LRRC56: variants seen among roughly 807,000 people sequenced by gnomAD.
The protein encoded by LRRC56 is leucine-rich repeat-containing protein 56.
LRRC56 carries 41 observed loss-of-function variants against 47.8 expected under a neutral mutation model. That is an observed-to-expected ratio of 0.86 (90% CI 0.67 to 1.11). LRRC56 has a LOEUF of 1.11. LRRC56 is among the 50% of genes most tolerant of loss of function. The probability of loss-of-function intolerance (pLI) is 0.00; values close to 1 mark genes in which losing one functional copy is unlikely to be tolerated. For missense variants in LRRC56, 759 were observed against 704.2 expected (o/e 1.08, Z -0.88); for synonymous variants, 387 against 311.2 (o/e 1.24, Z -2.56).
intron 7 of LRRC56, 24 bp downstream of exon 7, chr11:550,022 G>A (rs1852295430): frequency 2.5e-6 from 4 of 1,611,626 alleles, no homozygotes. Context: ...CCCTGGGCTG[G>A]GGAGGCCTGG....
the LRRC56 span, among the ~76,000 whole-genome samples, chr11:527,680 C>G: frequency 1.3e-5 from 2 of 150,674 alleles, no homozygotes; most frequent in Non-Finnish European, 3.0e-5. Context: ...TACAGGCGCC[C>G]GCCACCACGC....
chr11:543,149 C>T (rs1415537201), intron 5 of LRRC56, among the ~76,000 whole-genome samples: 2 of 151,534 alleles, frequency 1.3e-5, no homozygotes. Context: ...ACCTCAGCCT[C>T]CCAAAGTGCT....
At chr11:527,734 CTT>C in the LRRC56 span, among the ~76,000 whole-genome samples, 6 of 132,752 alleles carry the variant, frequency 4.5e-5, no homozygotes, top group Non-Finnish European at 7.8e-5. Flanking sequence ...GAGTTTCGCT[CTT>C]GTTGCCCAGG....
intron 2 of LRRC56, 35 bp downstream of exon 2, chr11:538,895 C>T (rs551816940): frequency 1.3e-5 from 2 of 152,758 alleles, no homozygotes; most frequent in Non-Finnish European, 2.9e-5. Flanking sequence ...GAACTCGTCT[C>T]ATCAGGAAGA....
the LRRC56 span, among the ~76,000 whole-genome samples, chr11:526,751 A>G: frequency 6.6e-6 from 1 of 151,892 alleles, no homozygotes; most frequent in Non-Finnish European, 1.5e-5. Flanking sequence ...AGCCTGGCCA[A>G]CATGGCAAAA....
intron 1 of LRRC56, among the ~76,000 whole-genome samples, chr11:538,292 C>T (rs1261405405): frequency 2.0e-5 from 3 of 152,172 alleles, no homozygotes; most frequent in Non-Finnish European, 4.4e-5. Flanking sequence ...TGTCCAGGGG[C>T]TGCCCGTGAC....
At chr11:518,866 C>G in the LRRC56 span, among the ~76,000 whole-genome samples, 1 of 151,284 alleles carries the variant, frequency 6.6e-6, no homozygotes, top group Non-Finnish European at 1.5e-5. Context: ...GGCCGGGACT[C>G]GGGCGCCCTC....
the LRRC56 span, among the ~76,000 whole-genome samples, chr11:518,800 C>T: frequency 6.6e-6 from 1 of 152,082 alleles, no homozygotes; most frequent in South Asian, 2.1e-4. Context: ...GCGGCGCCCC[C>T]TCCTGGATGT....
At chr11:524,884 A>C in the LRRC56 span, among the ~76,000 whole-genome samples, 12 of 148,312 alleles carry the variant, frequency 8.1e-5, no homozygotes, top group Non-Finnish European at 1.6e-4. Context: ...TGAGGTCAGG[A>C]GATCAGGACC....
At position 541,240 on chromosome 11, in the gene LRRC56, G is replaced by A. The variant is rs1007925640; in HGVS notation, c.178-297G>A. ...CTCAAAGCTCAGGGCAGGGCCCGGC[G>A]CGGTCCGGGCTCTGGGTGCCGGGTG... is the stretch of plus-strand genomic sequence containing the variant. On this transcript the variant is annotated intron_variant, in intron 4 of 13. Coordinates refer to ENST00000270115, the MANE Select transcript of LRRC56 (RefSeq NM_198075.4). This position sits in a 1 kb window ranked among gnomAD's most constrained non-coding sequence, Gnocchi z 4.1. Among the ~76,000 whole-genome samples the A allele has an allele frequency of 2.0e-5, 3 of 152,126 alleles. No individual in the cohort carries two copies. Among genetic ancestry groups the A allele is most frequent in the Non-Finnish European group, 4.4e-5 (3 of 67,998 alleles).
At chr11:521,495 G>A in the LRRC56 span, among the ~76,000 whole-genome samples, 6 of 152,144 alleles carry the variant, frequency 3.9e-5, no homozygotes, top group Non-Finnish European at 8.8e-5. Flanking sequence ...TTTTGGCAGG[G>A]ACGGGATTTT....
chr11:518,213 C>T, the LRRC56 span, among the ~76,000 whole-genome samples: 3 of 151,398 alleles, frequency 2.0e-5, no homozygotes, highest in Admixed American at 6.6e-5. Context: ...GATGGAGTCT[C>T]GCTCTGTCGC....
At chr11:530,390 G>C in the LRRC56 span, among the ~76,000 whole-genome samples, 1 of 152,182 alleles carries the variant, frequency 6.6e-6, no homozygotes, top group Middle Eastern at 3.2e-3. Context: ...GGGGAAGCTG[G>C]TCACTCGGAG....
At position 551,836 on chromosome 11, in the gene LRRC56, C is replaced by T. The variant is rs199709812; in HGVS notation, c.973+9C>T. ...CAGCAGCCTCACCCATGGTAACTGA[C>T]TTGCCTCAAAGCTGACCCTGCAGCC... is the stretch of plus-strand genomic sequence containing the variant. On this transcript the variant is annotated intron_variant, in intron 10 of 13. Transcript: ENST00000270115. 2.0e-4 allele frequency: 328 copies of T among 1,606,824 alleles called. No individual in the cohort carries two copies. Among genetic ancestry groups the T allele is most frequent in the Middle Eastern group, 1.7e-3 (10 of 6,042 alleles).
the LRRC56 span, among the ~76,000 whole-genome samples, chr11:518,217 C>T: frequency 2.0e-5 from 3 of 151,718 alleles, no homozygotes; most frequent in African/African-American, 4.8e-5. Context: ...GAGTCTCGCT[C>T]TGTCGCCTAG....
chr11:545,796 G>T (rs1441429609), intron 6 of LRRC56, among the ~76,000 whole-genome samples: 1 of 152,222 alleles, frequency 6.6e-6, no homozygotes, highest in African/African-American at 2.4e-5. Flanking sequence ...TATGTAGCCT[G>T]TTCCCAGCAG....
chr11:518,171 AAAT>A, the LRRC56 span, among the ~76,000 whole-genome samples: 8 of 152,078 alleles, frequency 5.3e-5, no homozygotes, highest in African/African-American at 9.7e-5. Flanking sequence ...AATAAATAAA[AAAT>A]AATAATAATA....
chr11:508,319 G>T, the LRRC56 span, among the ~76,000 whole-genome samples: 11 of 152,120 alleles, frequency 7.2e-5, no homozygotes, highest in African/African-American at 1.7e-4. Flanking sequence ...GCGCCAGCAC[G>T]CCTGGCTAAT....
At chr11:547,376 C>T (rs1403351037) in intron 6 of LRRC56, among the ~76,000 whole-genome samples, 3 of 150,048 alleles carry the variant, frequency 2.0e-5, no homozygotes, top group African/African-American at 4.9e-5. Context: ...TGTTTTGAGA[C>T]AGAGTCTCAC....
Sources: allele counts gnomAD v4.1 joint callset (sites outside exome capture counted in the v4.1 genomes callset), GRCh38; gene constraint gnomAD v4.1.1; non-coding constraint Gnocchi (gnomAD v3.1); transcripts MANE v1.5; gene names NCBI Gene and HGNC (gene_info 2026-07-23, HGNC 2026-07-21).